The following CAST variants were observed in gnomAD, a reference collection of about 807,000 sequenced individuals.
The protein encoded by CAST is MIR583 host.
CAST carries 76 observed loss-of-function variants against 119.6 expected under a neutral mutation model. The observed-to-expected ratio is 0.64, with a 90% CI of 0.53 to 0.77. The LOEUF (loss-of-function observed/expected upper bound fraction) is 0.77, where lower values mean the gene tolerates loss of function less well. Among genes scored for constraint, CAST ranks in the 30% least tolerant of loss-of-function variants. The pLI is 0.00. For missense variants in CAST, 953 were observed against 946.5 expected (o/e 1.01, Z -0.09); for synonymous variants, 319 against 331.6 (o/e 0.96, Z 0.41).
At chr5:96,596,915 G>A (rs1213892466) in intron 1 of CAST, among the ~76,000 whole-genome samples, 2 of 152,178 alleles carry the variant, frequency 1.3e-5, no homozygotes, top group African/African-American at 2.4e-5. Flanking sequence ...AGCATGTGAG[G>A]AGAGAGAGAT....
rs74978713 is a variant in CAST, at chr5:96,599,966, C to CAAAAAAAAAAAAAAAA, written c.60+70088_60+70103dup. Among the ~76,000 whole-genome samples, 74 of 47,172 alleles carry CAAAAAAAAAAAAAAAA rather than the reference C, an allele frequency of 1.6e-3. 2 individuals carry two copies. Among genetic ancestry groups the CAAAAAAAAAAAAAAAA allele is most frequent in the African/African-American group, 4.2e-3 (68 of 16,326 alleles). The allele number at this position is 47,172 out of a possible 152,430, so 30.9% of individuals were successfully genotyped here. ...TATCCTGTATTATTGCTTCATTAGGCAAAAAAAAAAAAAAAAACCCTCAAG... is the reference window on the plus strand; with the variant it reads ...TATCCTGTATTATTGCTTCATTAGGCAAAAAAAAAAAAAAAAAAAAAAAAAAAAAAAAACCCTCAAG... On this transcript the variant is annotated intron_variant, in intron 1 of 11. Transcript: ENST00000505143.
intron 1 of CAST, among the ~76,000 whole-genome samples, chr5:96,555,660 C>A (rs928508625): frequency 2.0e-5 from 3 of 152,150 alleles, no homozygotes; most frequent in African/African-American, 7.2e-5. Context: ...AACTGCAAGG[C>A]GGCAGCGAGG....
the CAST span, among the ~76,000 whole-genome samples, chr5:95,996,636 G>T: frequency 6.6e-6 from 1 of 152,120 alleles, no homozygotes; most frequent in South Asian, 2.1e-4. Context: ...TGTTCATGAT[G>T]TGTCTTTCTT....
rs1473248287 is a variant in CAST at position 96,750,585 on chromosome 5, A to G, written c.1429-2A>G. The stretch of plus-strand genomic sequence containing the variant: ...ATTGAGAGTACTTGTGTCTTTCCTC[A>G]GGAATCTAAGGCCGCTGCTCCAGCT... On this transcript the variant is annotated splice_acceptor_variant, in intron 19 of 31. Transcript: ENST00000675179. LOFTEE classifies it high-confidence loss of function. 2 of 1,606,748 alleles carry G rather than the reference A, an allele frequency of 1.2e-6. No homozygotes were observed. The highest frequency in any genetic ancestry group is 2.2e-5 in the East Asian group (1 of 44,804).
At chr5:95,974,028 CA>C in the CAST span, among the ~76,000 whole-genome samples, 13 of 152,026 alleles carry the variant, frequency 8.6e-5, 1 homozygote, top group South Asian at 6.2e-4. Context: ...CACACACACA[CA>C]CCCCCACTCA....
the CAST span, among the ~76,000 whole-genome samples, chr5:96,208,093 T>C: frequency 6.6e-6 from 1 of 151,812 alleles, no homozygotes; most frequent in Non-Finnish European, 1.5e-5. Flanking sequence ...TTTTCTAGTT[T>C]GTGTGCATAC....
At chr5:96,012,813 G>T in the CAST span, among the ~76,000 whole-genome samples, 1 of 152,178 alleles carries the variant, frequency 6.6e-6, no homozygotes, top group Non-Finnish European at 1.5e-5. Flanking sequence ...ATGGCATAGG[G>T]TTAGCAGTTG....
the CAST span, chr5:95,965,391 G>A: frequency 2.6e-5 from 4 of 152,330 alleles, no homozygotes; most frequent in East Asian, 5.8e-4. Context: ...TTCCAAATCT[G>A]CTGTAGTGAC....
At chr5:96,424,663 C>A in the CAST span, among the ~76,000 whole-genome samples, 4 of 152,038 alleles carry the variant, frequency 2.6e-5, no homozygotes, top group Non-Finnish European at 4.4e-5. Context: ...TGAGCAAATA[C>A]TTAAGATAGT....
the CAST span, among the ~76,000 whole-genome samples, chr5:96,236,927 C>T: frequency 6.6e-6 from 1 of 152,140 alleles, no homozygotes; most frequent in African/African-American, 2.4e-5. Flanking sequence ...GCTCAAATGC[C>T]GTGGCCTCTT....
chr5:96,400,270 T>A, the CAST span: 1 of 904,646 alleles, frequency 1.1e-6, no homozygotes, highest in Non-Finnish European at 1.9e-6. Context: ...AGCATCTCCA[T>A]TCAGGGATTA....
chr5:96,247,137 C>A, the CAST span, among the ~76,000 whole-genome samples: 2 of 152,176 alleles, frequency 1.3e-5, no homozygotes, highest in Non-Finnish European at 1.5e-5. Context: ...TTCTTAAGGG[C>A]CAGCTGTCCC....
chr5:96,642,543 CTT>C (rs35326344), intron 1 of CAST, among the ~76,000 whole-genome samples: 6,991 of 140,346 alleles, frequency 0.05, 227 homozygotes, highest in Middle Eastern at 0.087. Context: ...CATATAGTTC[CTT>C]TTTTTTTTTT....
At chr5:96,100,811 C>T in the CAST span, among the ~76,000 whole-genome samples, 2 of 152,042 alleles carry the variant, frequency 1.3e-5, no homozygotes, top group South Asian at 2.1e-4. Context: ...ATATAGCCTA[C>T]ACATATCTTA....
the CAST span, among the ~76,000 whole-genome samples, chr5:96,099,351 C>A: frequency 6.6e-6 from 1 of 152,100 alleles, no homozygotes; most frequent in African/African-American, 2.4e-5. Flanking sequence ...GCCAGGACTT[C>A]CAATATTATG....
the CAST span, among the ~76,000 whole-genome samples, chr5:96,034,267 G>A: frequency 2.0e-5 from 3 of 151,954 alleles, no homozygotes; most frequent in African/African-American, 4.8e-5. Flanking sequence ...ATCACCTCAC[G>A]TCTGTTAGAG....
intron 1 of CAST, among the ~76,000 whole-genome samples, chr5:96,640,294 A>T (rs554136273): frequency 2.4e-4 from 36 of 152,082 alleles, no homozygotes; most frequent in African/African-American, 7.0e-4. Flanking sequence ...GGGAGGAAAA[A>T]CTCTAGAGAT....
At chr5:96,339,855 G>A in the CAST span, among the ~76,000 whole-genome samples, 1 of 152,100 alleles carries the variant, frequency 6.6e-6, no homozygotes, top group Non-Finnish European at 1.5e-5. Context: ...ACTGAGTGTG[G>A]CTATCTCCCC....
At chr5:96,111,951 A>AT in the CAST span, among the ~76,000 whole-genome samples, 5 of 151,784 alleles carry the variant, frequency 3.3e-5, no homozygotes, top group East Asian at 7.7e-4. Flanking sequence ...CCAGCTGTGC[A>AT]TTTTTTTAAA....
Sources: gnomAD v4.1 joint callset for allele counts (sites outside exome capture counted in the v4.1 genomes callset) on GRCh38, gnomAD v4.1.1 for gene constraint, MANE v1.5 for transcripts, NCBI Gene and HGNC (gene_info 2026-07-23, HGNC 2026-07-21) for gene names.